GOLGA8A: variants seen among roughly 807,000 people sequenced by gnomAD.
The protein encoded by GOLGA8A is golgin A8 family member A.
A neutral mutation model predicts 22.1 loss-of-function variants in GOLGA8A; 3 were observed. The ratio of observed to expected loss-of-function variants is 0.14; its 90% CI spans 0.06 to 0.35. The LOEUF (loss-of-function observed/expected upper bound fraction) is 0.35, where lower values mean the gene tolerates loss of function less well. GOLGA8A is among the 10% of genes least tolerant of loss of function. The probability of loss-of-function intolerance (pLI) is 1.00; values close to 1 mark genes in which losing one functional copy is unlikely to be tolerated. For synonymous variants in GOLGA8A, 7 were observed against 91.7 expected (o/e 0.08, Z 5.28); for missense variants, 16 against 233.2 (o/e 0.07, Z 6.07).
At chr15:34,436,901 A>C (rs1893545108) in intron 1 of GOLGA8A, among the ~76,000 whole-genome samples, 1 of 149,640 alleles carries the variant, frequency 6.7e-6, no homozygotes, top group South Asian at 2.1e-4. Flanking sequence ...GGGAAAGGGA[A>C]GGGGCGAAGA....
chr15:34,393,269 C>A (rs1176952779), intron 8 of GOLGA8A, among the ~76,000 whole-genome samples: 47 of 118,514 alleles, frequency 4.0e-4, no homozygotes, highest in Non-Finnish European at 6.0e-4. Context: ...GTTTCTAATT[C>A]TCTCTTCCAT....
In GOLGA8A at chr15:34,437,514, C is replaced by CGGGTCTCTCCCGGGGGCT. The variant is rs1893602826; in HGVS notation, c.-1329_-1328insAGCCCCCGGGAGAGACCC. On this transcript the variant is annotated 5_prime_UTR_variant, in exon 1 of 25. Coordinates refer to ENST00000359187, the MANE Select transcript of GOLGA8A (RefSeq NM_181077.5). Reference sequence around the variant, plus strand: ...CGCCGCGCCGCCGTCCTCGCCGCGCCGCCGTCCTCGCCGCGCCGCCGTCCT... The same window carrying CGGGTCTCTCCCGGGGGCT: ...CGCCGCGCCGCCGTCCTCGCCGCGCCGGGTCTCTCCCGGGGGCTGCCGTCCTCGCCGCGCCGCCGTCCT... 2.7e-3 allele frequency: 51 copies of CGGGTCTCTCCCGGGGGCT among 18,750 alleles called. 3 individuals carry two copies. Among genetic ancestry groups the CGGGTCTCTCCCGGGGGCT allele is most frequent in the East Asian group, 4.0e-3 (2 of 494 alleles). 1.2% of individuals were successfully genotyped at this position (18,750 alleles called of 1,614,324 possible).
At chr15:34,400,801 A>C (rs1892032251) in intron 5 of GOLGA8A, 42 bp from the exon 6 acceptor site, 1 of 145,016 alleles carries the variant, frequency 6.9e-6, no homozygotes, top group Non-Finnish European at 1.6e-5. Flanking sequence ...CATTAGGGTC[A>C]TATCAAGAAA....
At chr15:34,434,739 C>T in intron 2 of GOLGA8A, among the ~76,000 whole-genome samples, 1 of 149,420 alleles carries the variant, frequency 6.7e-6, no homozygotes, top group East Asian at 2.0e-4. Flanking sequence ...GAGCAAGCGT[C>T]TCAAACCTGA....
At chr15:34,385,370 TAGAAGGAA>T in intron 14 of GOLGA8A, 32 bp from the exon 15 acceptor site, 1 of 538,546 alleles carries the variant, frequency 1.9e-6, no homozygotes, top group East Asian at 3.0e-5. Flanking sequence ...AGTGCTGAAA[TAGAAGGAA>T]AGAAACATTC....
At chr15:34,421,656 C>T (rs568584586) in intron 2 of GOLGA8A, among the ~76,000 whole-genome samples, 3 of 143,940 alleles carry the variant, frequency 2.1e-5, no homozygotes, top group East Asian at 4.3e-4. Context: ...CAAAGCTAAC[C>T]CCACTGAGAT....
intron 2 of GOLGA8A, among the ~76,000 whole-genome samples, chr15:34,426,489 G>A (rs1413515146): frequency 6.8e-6 from 1 of 147,260 alleles, no homozygotes; most frequent in African/African-American, 2.5e-5. Context: ...GTGAAGTTAG[G>A]GGGAAGCTTT....
intron 2 of GOLGA8A, among the ~76,000 whole-genome samples, chr15:34,432,141 G>C (rs2339437): frequency 0.094 from 14,023 of 148,908 alleles, 1,744 homozygotes; most frequent in South Asian, 0.25. Context: ...AAACACCTTA[G>C]TGTCCCACCA....
chr15:34,380,341 T>C lies in GOLGA8A; in HGVS notation c.*1070A>G, dbSNP rs1197001091. The stretch of plus-strand genomic sequence containing the variant: ...AGCTTTCCTTCACTCTAATTCATTC[T>C]TGACTAGAGCCTGTATGCCTGTTTC... On this transcript the variant is annotated 3_prime_UTR_variant, in exon 25 of 25. Transcript: ENST00000359187. 6.6e-6 allele frequency: 1 copy of C among 152,228 alleles called. No homozygotes were observed. The highest frequency in any genetic ancestry group is 1.5e-5 in the Non-Finnish European group (1 of 68,040). 9.4% of individuals were successfully genotyped at this position (152,228 alleles called of 1,614,324 possible). A position where few individuals can be genotyped will look rare whatever the true frequency, so the allele number is the denominator to read the frequency against.
rs72722589 is a variant in GOLGA8A at position 34,434,655 on chromosome 15, G to C, written c.-1123+728C>G. ...GAGCCAGAGAAGTCTCCCTGTGGGC[G>C]CTCGGGCCAACCACCACCCAAGGGA... On this transcript the variant is annotated intron_variant, in intron 2 of 24. Coordinates refer to ENST00000359187, the MANE Select transcript of GOLGA8A (RefSeq NM_181077.5). 2.3e-4 allele frequency among the ~76,000 whole-genome samples: 34 copies of C among 149,174 alleles called. 5 individuals are homozygous for C. The highest frequency in any genetic ancestry group is 7.9e-4 in the African/African-American group (32 of 40,494).
Position 34,437,795 on chromosome 15 carries a change from G to C in GOLGA8A, c.-1609C>G, listed in dbSNP as rs561061636. Among the ~76,000 whole-genome samples the C allele has an allele frequency of 1.1e-4, 17 of 149,038 alleles. 2 individuals are homozygous for C. Among genetic ancestry groups the C allele is most frequent in the Admixed American group, 1.3e-4 (2 of 14,870 alleles). ...GCACACCTCGACTGCTGATTAGCCC[G>C]ACAGCTGAATAGCGGCGGGAGCCTA... On this transcript the variant is annotated 5_prime_UTR_variant, in exon 1 of 25. Coordinates refer to ENST00000359187, the MANE Select transcript of GOLGA8A (RefSeq NM_181077.5).
intron 1 of GOLGA8A, 119 bp from the exon 2 acceptor site, chr15:34,435,590 A>T (rs933151944): frequency 6.7e-6 from 1 of 148,958 alleles, no homozygotes; most frequent in Non-Finnish European, 1.5e-5. Flanking sequence ...GGTGCAAGAG[A>T]ATGAGGAGCT....
At chr15:34,431,312 C>CATATATATATATATATACATAT (rs1893228770) in intron 2 of GOLGA8A, among the ~76,000 whole-genome samples, 1 of 45,734 alleles carries the variant, frequency 2.2e-5, no homozygotes, top group Admixed American at 2.2e-4. Context: ...TATATATATA[C>CATATATATATATATATACATAT]ATATATATAT....
At position 34,381,229 on chromosome 15, in the gene GOLGA8A, G is replaced by A. The variant is rs1891472475; in HGVS notation, c.*182C>T. On this transcript the variant is annotated 3_prime_UTR_variant, in exon 25 of 25. Transcript: ENST00000359187. ...GATGCCAGAGTGAACATCAGTGAGA[G>A]CCACAGAGACCCACTCTCTTTTAAC... 9 of 1,080,082 alleles carry A rather than the reference G, an allele frequency of 8.3e-6. No individual in the cohort carries two copies. The highest frequency in any genetic ancestry group is 2.6e-5 in the East Asian group (1 of 38,960). 66.9% of individuals were successfully genotyped at this position (1,080,082 alleles called of 1,614,324 possible).
At position 34,379,226 on chromosome 15, in the gene GOLGA8A, G is replaced by A. The variant is rs1891354737; in HGVS notation, c.*2185C>T. Reference sequence around the variant, plus strand: ...ATTCTAAGAAAACTTGGCAAATAACGCTTTGGCCTGGAATTGGCATTTCTT... The same window carrying A: ...ATTCTAAGAAAACTTGGCAAATAACACTTTGGCCTGGAATTGGCATTTCTT... On this transcript the variant is annotated 3_prime_UTR_variant, in exon 25 of 25. Coordinates refer to ENST00000359187, the MANE Select transcript of GOLGA8A (RefSeq NM_181077.5). 6.6e-6 allele frequency: 1 copy of A among 152,568 alleles called. No homozygotes were observed. The allele number at this position is 152,568 out of a possible 1,614,324, so 9.5% of individuals were successfully genotyped here.
In GOLGA8A at chr15:34,379,571, T is replaced by A. The variant is rs1891375011; in HGVS notation, c.*1840A>T. The A allele has an allele frequency of 6.6e-6, 1 of 152,664 alleles. No homozygotes were observed. Among genetic ancestry groups the A allele is most frequent in the Non-Finnish European group, 1.5e-5 (1 of 68,042 alleles). The allele number at this position is 152,664 out of a possible 1,614,324, so 9.5% of individuals were successfully genotyped here. A position where few individuals can be genotyped will look rare whatever the true frequency, so the allele number is the denominator to read the frequency against. Reference sequence around the variant, plus strand: ...CTCTTTCAGTGAATGCCGGCAAATCTGTTATTCCATTGGCAAAATCGTATT... The same window carrying A: ...CTCTTTCAGTGAATGCCGGCAAATCAGTTATTCCATTGGCAAAATCGTATT... On this transcript the variant is annotated 3_prime_UTR_variant, in exon 25 of 25. Coordinates refer to ENST00000359187, the MANE Select transcript of GOLGA8A (RefSeq NM_181077.5).
Position 34,380,927 on chromosome 15 carries a change from T to A in GOLGA8A, c.*484A>T, listed in dbSNP as rs535429793. 3.3e-6 allele frequency: 1 copy of A among 302,776 alleles called. No homozygotes were observed. Among genetic ancestry groups the A allele is most frequent in the African/African-American group, 2.2e-5 (1 of 44,998 alleles). 18.8% of individuals were successfully genotyped at this position (302,776 alleles called of 1,614,324 possible). A position where few individuals can be genotyped will look rare whatever the true frequency, so the allele number is the denominator to read the frequency against. ...TACAAAGTAATAAACAGTGCACACTTGAGGGCAAACCGCATATTGAGCTAT... is the reference window on the plus strand; with the variant it reads ...TACAAAGTAATAAACAGTGCACACTAGAGGGCAAACCGCATATTGAGCTAT... On this transcript the variant is annotated 3_prime_UTR_variant, in exon 25 of 25. Transcript: ENST00000359187.
chr15:34,435,179 G>T (rs1893445889), intron 2 of GOLGA8A, among the ~76,000 whole-genome samples: 4 of 149,246 alleles, frequency 2.7e-5, no homozygotes, highest in African/African-American at 7.4e-5. Flanking sequence ...GGGGGCCTCT[G>T]CAGCCAGGCT....
intron 2 of GOLGA8A, chr15:34,420,118 T>C (rs1892737160): frequency 1.3e-5 from 2 of 148,870 alleles, no homozygotes; most frequent in Non-Finnish European, 3.0e-5. Context: ...CTTTTGTGTA[T>C]TTACCATAAT....
Sources: gnomAD v4.1 joint callset for allele counts (sites outside exome capture counted in the v4.1 genomes callset) on GRCh38, gnomAD v4.1.1 for gene constraint, MANE v1.5 for transcripts, NCBI Gene and HGNC (gene_info 2026-07-23, HGNC 2026-07-21) for gene names.